The following AMMECR1 variants were observed in gnomAD, a reference collection of about 807,000 sequenced individuals.
The protein encoded by AMMECR1 is AMMECR nuclear protein 1, also known as nuclear protein AMMECR1.
A neutral mutation model predicts 22.5 loss-of-function variants in AMMECR1; 3 were observed. The observed-to-expected ratio is 0.13, with a 90% CI of 0.06 to 0.35. The LOEUF (loss-of-function observed/expected upper bound fraction) is 0.35. Among genes scored for constraint, AMMECR1 ranks in the 10% least tolerant of loss-of-function variants. AMMECR1 has a pLI of 1.00. For missense variants in AMMECR1, 235 were observed against 278.7 expected, an observed-to-expected ratio of 0.84 and a Z score of 1.12; for synonymous variants, 130 against 116.7, an observed-to-expected ratio of 1.11 and a Z score of -0.74.
At chrX:110,330,991 C>A (rs921494266) in intron 2 of AMMECR1, among the ~76,000 whole-genome samples, 3 of 110,712 alleles carry the variant, frequency 2.7e-5, no homozygotes, top group African/African-American at 9.8e-5. Flanking sequence ...TCTAAATTGC[C>A]CACAAGAATG....
intron 2 of AMMECR1, among the ~76,000 whole-genome samples, chrX:110,230,051 T>C (rs2067555844): frequency 8.9e-6 from 1 of 112,988 alleles, no homozygotes; most frequent in South Asian, 3.6e-4. Flanking sequence ...GCCTACTGCC[T>C]CTAGACTCCA....
intron 2 of AMMECR1, among the ~76,000 whole-genome samples, chrX:110,323,907 A>C (rs1237600725): frequency 1.8e-5 from 2 of 112,190 alleles, no homozygotes; most frequent in Non-Finnish European, 3.8e-5. Flanking sequence ...TTGGGATTAC[A>C]ATTTTAAACT....
chrX:110,421,028 G>T (rs2068713702), intron 2 of AMMECR1, among the ~76,000 whole-genome samples: 1 of 111,887 alleles, frequency 8.9e-6, no homozygotes, highest in African/African-American at 3.3e-5. Context: ...TTATGTCATT[G>T]ATATTTGCGT....
chrX:110,374,465 T>C (rs757256364), intron 2 of AMMECR1, among the ~76,000 whole-genome samples: 87 of 112,268 alleles, frequency 7.7e-4, no homozygotes, highest in African/African-American at 2.7e-3. Flanking sequence ...TATTTATTTA[T>C]ATATTTGTGA....
chrX:110,295,294 C>CA (rs979209352), intron 1 of AMMECR1, among the ~76,000 whole-genome samples: 1 of 110,999 alleles, frequency 9.0e-6, no homozygotes, highest in Non-Finnish European at 1.9e-5. Context: ...ATTTTAATAT[C>CA]AAAAATATCA....
At chrX:110,382,801 T>C (rs1480187653) in intron 2 of AMMECR1, among the ~76,000 whole-genome samples, 1 of 112,205 alleles carries the variant, frequency 8.9e-6, no homozygotes, top group Non-Finnish European at 1.9e-5. Flanking sequence ...GCCACTGTGT[T>C]AATTAAATTC....
rs1437730115 is a variant in AMMECR1, at chrX:110,204,207, A to G, written c.700-1671T>C. 4.5e-5 allele frequency among the ~76,000 whole-genome samples: 5 copies of G among 111,664 alleles called. No homozygotes were observed. In the East Asian group the frequency reaches 1.4e-3, roughly 31 times the overall value. On this transcript the variant is annotated intron_variant, in intron 3 of 5. Coordinates refer to ENST00000262844, the MANE Select transcript of AMMECR1 (RefSeq NM_015365.3). Reference sequence around the variant, plus strand: ...CTTTGAATTTTTTTTTCCTTTGACAATATCAGATTCCTCATAATTTGTTTT... The same window carrying G: ...CTTTGAATTTTTTTTTCCTTTGACAGTATCAGATTCCTCATAATTTGTTTT...
At chrX:110,216,729 A>G in intron 2 of AMMECR1, 97 bp from the exon 3 acceptor site, 3 of 503,890 alleles carry the variant, frequency 6.0e-6, no homozygotes, top group Non-Finnish European at 9.9e-6. Context: ...GAGTTTCAAA[A>G]AGAATCAGTA....
intron 1 of AMMECR1, among the ~76,000 whole-genome samples, chrX:110,435,157 A>G (rs1281033182): frequency 2.2e-5 from 2 of 91,654 alleles, no homozygotes; most frequent in Non-Finnish European, 4.4e-5. Flanking sequence ...GTGAGGGAGG[A>G]AGGAAAGGGA....
At chrX:110,282,464 T>A (rs770562068) in intron 1 of AMMECR1, among the ~76,000 whole-genome samples, 1 of 110,408 alleles carries the variant, frequency 9.1e-6, no homozygotes, top group South Asian at 3.9e-4. Flanking sequence ...GCTACAGGAA[T>A]CCAAGGACGC....
intron 2 of AMMECR1, among the ~76,000 whole-genome samples, chrX:110,252,695 A>T (rs768498164): frequency 2.4e-4 from 27 of 112,537 alleles, no homozygotes; most frequent in African/African-American, 8.7e-4. Context: ...TGCTGATAAA[A>T]ACAAGACTTT....
At chrX:110,213,357 T>A (rs951120510) in intron 3 of AMMECR1, among the ~76,000 whole-genome samples, 1 of 112,541 alleles carries the variant, frequency 8.9e-6, no homozygotes, top group Non-Finnish European at 1.9e-5. Flanking sequence ...AATGGAGTCA[T>A]ACGGAATGTG....
chrX:110,342,986 G>A (rs192067188), intron 2 of AMMECR1, among the ~76,000 whole-genome samples: 8 of 111,159 alleles, frequency 7.2e-5, no homozygotes, highest in African/African-American at 1.6e-4. Context: ...TCTCTAACTC[G>A]TTTTATGAGG....
In AMMECR1 at chrX:110,196,468, G is replaced by T. The variant is rs1411677808; in HGVS notation, c.*2052C>A. 1 of 107,592 alleles carries T rather than the reference G, an allele frequency of 9.3e-6. No homozygotes were observed. 8.9% of individuals were successfully genotyped at this position (107,592 alleles called of 1,213,427 possible). A position where few individuals can be genotyped will look rare whatever the true frequency, so the allele number is the denominator to read the frequency against. On this transcript the variant is annotated 3_prime_UTR_variant, in exon 6 of 6. Transcript: ENST00000262844. ...AGCTTGTGCTCAGTTTCCCTATAAG[G>T]GTAAGAAAAGTTTCCATCAGGTAGC...
chrX:110,300,932 TACA>T (rs1257506840), intron 1 of AMMECR1, among the ~76,000 whole-genome samples: 2 of 111,877 alleles, frequency 1.8e-5, no homozygotes, highest in Non-Finnish European at 3.8e-5. Context: ...TGAAGAGGTT[TACA>T]ACAACTGATT....
At chrX:110,401,283 C>T (rs1392832228) in intron 2 of AMMECR1, among the ~76,000 whole-genome samples, 1 of 110,546 alleles carries the variant, frequency 9.0e-6, no homozygotes, top group Non-Finnish European at 1.9e-5. Context: ...GTGAAATAAG[C>T]CAAGTTTGTC....
intron 2 of AMMECR1, among the ~76,000 whole-genome samples, chrX:110,379,654 A>ACACATG (rs1356795538): frequency 8.9e-6 from 1 of 112,363 alleles, no homozygotes; most frequent in Admixed American, 9.4e-5. Flanking sequence ...TCTTTCACAC[A>ACACATG]CACATGCACA....
At chrX:110,230,693 C>T (rs1229530940) in intron 2 of AMMECR1, among the ~76,000 whole-genome samples, 3 of 112,024 alleles carry the variant, frequency 2.7e-5, no homozygotes, top group Non-Finnish European at 3.8e-5. Context: ...GACGAGTTGA[C>T]AGAAGTAGGC....
chrX:110,307,461 G>A (rs2068002426), intron 1 of AMMECR1, among the ~76,000 whole-genome samples: 1 of 110,993 alleles, frequency 9.0e-6, no homozygotes. Context: ...ATTATACCTG[G>A]GTCTATCATT....
Sources: allele counts gnomAD v4.1 joint callset (sites outside exome capture counted in the v4.1 genomes callset), GRCh38; gene constraint gnomAD v4.1.1; transcripts MANE v1.5; gene names NCBI Gene and HGNC (gene_info 2026-07-23, HGNC 2026-07-21).